The following PCDHGA11 variants were observed in gnomAD, a reference collection of about 807,000 sequenced individuals.
PCDHGA11 encodes protocadherin gamma subfamily A, 11.
A neutral mutation model predicts 60.4 loss-of-function variants in PCDHGA11; 39 were observed. The observed-to-expected ratio is 0.65, with a 90% CI of 0.50 to 0.84. The LOEUF is 0.84. Among genes scored for constraint, PCDHGA11 ranks in the 40% least tolerant of loss-of-function variants. The pLI, the probability that PCDHGA11 is intolerant of heterozygous loss-of-function variation, is 0.00. For missense variants in PCDHGA11, 1,165 were observed against 1,197.7 expected (o/e 0.97, Z 0.40); for synonymous variants, 533 against 510.3 (o/e 1.04, Z -0.60).
At position 141,487,344 on chromosome 5, in the gene PCDHGA11, C is replaced by T. The variant is rs1232854025; in HGVS notation, c.2434-7463C>T. On this transcript the variant is annotated intron_variant, in intron 1 of 3. Coordinates refer to ENST00000398587, the MANE Select transcript of PCDHGA11 (RefSeq NM_018914.3). This position sits in a 1 kb window ranked among gnomAD's most constrained non-coding sequence, Gnocchi z 5.0. ...CTTCGTGGGGCAGCCTGTGGAGTCA[C>T]ATGCTTTCCTGCTGGCACCTGTGCC... 3 of 1,614,208 alleles carry T rather than the reference C, an allele frequency of 1.9e-6. No individual in the cohort carries two copies. The highest frequency in any genetic ancestry group is 3.3e-5 in the Admixed American group (2 of 60,024).
intron 1 of PCDHGA11, among the ~76,000 whole-genome samples, chr5:141,454,357 TAGAA>T (rs758087339): frequency 3.5e-4 from 54 of 152,354 alleles, no homozygotes; most frequent in Non-Finnish European, 6.3e-4. Context: ...GATCCAAACT[TAGAA>T]AGGAGTATGG....
rs774898388 is a variant in PCDHGA11, at chr5:141,491,593, A to G, written c.2434-3214A>G. 6.8e-6 allele frequency: 11 copies of G among 1,613,918 alleles called. No individual in the cohort carries two copies. In the Admixed American group the frequency reaches 1.2e-4, roughly 17 times the overall value. Reference sequence around the variant, plus strand: ...GTGCTTTTCACCGGCCTCGGACGGCAGTGACTTCACTTTTCTAAGACCCCT... The same window carrying G: ...GTGCTTTTCACCGGCCTCGGACGGCGGTGACTTCACTTTTCTAAGACCCCT... On this transcript the variant is annotated intron_variant, in intron 1 of 3. Transcript: ENST00000398587. This position sits in a 1 kb window ranked among gnomAD's most constrained non-coding sequence, Gnocchi z 6.9.
intron 1 of PCDHGA11, chr5:141,428,048 G>A: frequency 6.2e-7 from 1 of 1,608,900 alleles, no homozygotes; most frequent in Admixed American, 1.7e-5. Context: ...TGGTGACCAA[G>A]GTGGTGGCGG....
rs771744120 is a variant in PCDHGA11 at position 141,485,876 on chromosome 5, G to A, written c.2434-8931G>A. ...AGAGCTCCGGGTATCCGTGCTGGAC[G>A]TAAACGACAACGCCCCAGCCTTCCA... On this transcript the variant is annotated intron_variant, in intron 1 of 3. Transcript: ENST00000398587. This position sits in a 1 kb window ranked among gnomAD's most constrained non-coding sequence, Gnocchi z 5.7. 1 of 1,614,174 alleles carries A rather than the reference G, an allele frequency of 6.2e-7. No homozygotes were observed. Among genetic ancestry groups the A allele is most frequent in the Non-Finnish European group, 8.5e-7 (1 of 1,180,030 alleles).
At position 141,427,779 on chromosome 5, in the gene PCDHGA11, C is replaced by T. The variant is rs1196661076; in HGVS notation, c.2433+4119C>T. On this transcript the variant is annotated intron_variant, in intron 1 of 3. Transcript: ENST00000398587. Reference sequence around the variant, plus strand: ...TACCACTGACTTGGAGCTGCGGGCACTGTCGTCCTACGTGTCCGTGAGCGC... The same window carrying T: ...TACCACTGACTTGGAGCTGCGGGCATTGTCGTCCTACGTGTCCGTGAGCGC... 2.1e-6 allele frequency: 3 copies of T among 1,454,498 alleles called. No individual in the cohort carries two copies. The East Asian group carries it at 6.8e-5, about 33-fold the overall frequency. The allele number at this position is 1,454,498 out of a possible 1,614,324, so 90.1% of individuals were successfully genotyped here. A position where few individuals can be genotyped will look rare whatever the true frequency, so the allele number is the denominator to read the frequency against.
rs2097401329 is a variant in PCDHGA11 at position 141,431,623 on chromosome 5, G to A, written c.2433+7963G>A. 1 of 1,614,192 alleles carries A rather than the reference G, an allele frequency of 6.2e-7. No homozygotes were observed. The highest frequency in any genetic ancestry group is 1.7e-5 in the Admixed American group (1 of 60,028). On this transcript the variant is annotated intron_variant, in intron 1 of 3. Coordinates refer to ENST00000398587, the MANE Select transcript of PCDHGA11 (RefSeq NM_018914.3). This position sits in a 1 kb window ranked among gnomAD's most constrained non-coding sequence, Gnocchi z 4.8. ...CCTTCCGGTATGTGGACGACAAGGC[G>A]GCCCAAGTTTTCAAACTAGATTGTA...
chr5:141,471,427 AGT>A (rs1475862025), intron 1 of PCDHGA11: 1 of 152,188 alleles, frequency 6.6e-6, no homozygotes, highest in Non-Finnish European at 1.5e-5. Flanking sequence ...TAGCAAGGAA[AGT>A]GTATAATCTC....
Position 141,505,374 on chromosome 5 carries a change from C to T in PCDHGA11, c.2493-19C>T. The T allele has an allele frequency of 2.5e-6, 4 of 1,614,004 alleles. No homozygotes were observed. Among genetic ancestry groups the T allele is most frequent in the Non-Finnish European group, 2.5e-6 (3 of 1,179,944 alleles). On this transcript the variant is annotated intron_variant, in intron 2 of 3. Coordinates refer to ENST00000398587, the MANE Select transcript of PCDHGA11 (RefSeq NM_018914.3). Reference sequence around the variant, plus strand: ...TGCCGGCCTGGGAGTCTGTGCTCACCATCCTACTCTCTCCCCAGCTCCCAA... The same window carrying T: ...TGCCGGCCTGGGAGTCTGTGCTCACTATCCTACTCTCTCCCCAGCTCCCAA...
chr5:141,461,323 T>C (rs2099013372), intron 1 of PCDHGA11, among the ~76,000 whole-genome samples: 1 of 152,176 alleles, frequency 6.6e-6, no homozygotes, highest in African/African-American at 2.4e-5. Context: ...TTTTTAATAA[T>C]GGCCATTCTT....
chr5:141,476,697 C>T lies in PCDHGA11; in HGVS notation c.2434-18110C>T, dbSNP rs758302668. The T allele has an allele frequency of 2.5e-6, 4 of 1,614,110 alleles. No individual in the cohort carries two copies. The highest frequency in any genetic ancestry group is 2.2e-5 in the South Asian group (2 of 91,088). The stretch of plus-strand genomic sequence containing the variant: ...ACGCGGGAGGACAGCACCAAGTACG[C>T]GGAGCTGGTGTTGGAGCGCGCCCTG... On this transcript the variant is annotated intron_variant, in intron 1 of 3. Coordinates refer to ENST00000398587, the MANE Select transcript of PCDHGA11 (RefSeq NM_018914.3). The surrounding 1 kb of genome is among the most constrained non-coding windows in gnomAD (Gnocchi z 7.6).
chr5:141,490,042 G>A lies in PCDHGA11; in HGVS notation c.2434-4765G>A. On this transcript the variant is annotated intron_variant, in intron 1 of 3. Transcript: ENST00000398587. This position sits in a 1 kb window ranked among gnomAD's most constrained non-coding sequence, Gnocchi z 5.4. ...TCTGCTGCTCCGCCTCAATGCCACT[G>A]ATCCAGACGAGGGCACCAACGGCCA... The A allele has an allele frequency of 6.2e-7, 1 of 1,614,266 alleles. No homozygotes were observed. Among genetic ancestry groups the A allele is most frequent in the Non-Finnish European group, 8.5e-7 (1 of 1,180,038 alleles).
intron 1 of PCDHGA11, among the ~76,000 whole-genome samples, chr5:141,445,582 T>C (rs886701142): frequency 6.6e-6 from 1 of 152,214 alleles, no homozygotes; most frequent in Non-Finnish European, 1.5e-5. Context: ...TAGGGAAGCT[T>C]CGCCTAATCT....
rs1485669709 is a variant in PCDHGA11 at position 141,432,989 on chromosome 5, G to A, written c.2433+9329G>A. On this transcript the variant is annotated intron_variant, in intron 1 of 3. Coordinates refer to ENST00000398587, the MANE Select transcript of PCDHGA11 (RefSeq NM_018914.3). The surrounding 1 kb of genome is among the most constrained non-coding windows in gnomAD (Gnocchi z 6.0). ...GCCGGCGTCGCACTTTGTGGGCGTG[G>A]ACGGGGTGCAGGCTTTCCTGCAGAC... The A allele has an allele frequency of 1.9e-6, 3 of 1,614,210 alleles. No individual in the cohort carries two copies. The highest frequency in any genetic ancestry group is 1.3e-5 in the African/African-American group (1 of 75,066).
chr5:141,485,577 G>A lies in PCDHGA11; in HGVS notation c.2434-9230G>A. Reference sequence around the variant, plus strand: ...AATGATCACGCCCCCCGTTTTCCGCGGCAGCAGCTGGACTTGGAAATTGGG... The same window carrying A: ...AATGATCACGCCCCCCGTTTTCCGCAGCAGCAGCTGGACTTGGAAATTGGG... On this transcript the variant is annotated intron_variant, in intron 1 of 3. Transcript: ENST00000398587. This position sits in a 1 kb window ranked among gnomAD's most constrained non-coding sequence, Gnocchi z 5.7. 2 of 1,612,500 alleles carry A rather than the reference G, an allele frequency of 1.2e-6. No individual in the cohort carries two copies. Among genetic ancestry groups the A allele is most frequent in the Non-Finnish European group, 8.5e-7 (1 of 1,178,676 alleles).
At chr5:141,498,588 A>G (rs1326073516) in intron 2 of PCDHGA11, among the ~76,000 whole-genome samples, 1 of 152,082 alleles carries the variant, frequency 6.6e-6, no homozygotes, top group Non-Finnish European at 1.5e-5. Context: ...GTTCTTCAGT[A>G]AACTTGGTTC....
At chr5:141,492,244 C>T (rs1334647731) in intron 1 of PCDHGA11, among the ~76,000 whole-genome samples, 1 of 152,198 alleles carries the variant, frequency 6.6e-6, no homozygotes, top group Admixed American at 6.5e-5. Flanking sequence ...TGGCCACCCC[C>T]ACGGCCCACA....
chr5:141,422,812 T>A lies in PCDHGA11; in HGVS notation c.1585T>A (p.Leu529Ile). ...CTTCGACTATGAGCAGTTTCGAGACTTAGAACTGAGAGTGATAGCACGTGA... is the reference window on the plus strand; with the variant it reads ...CTTCGACTATGAGCAGTTTCGAGACATAGAACTGAGAGTGATAGCACGTGA... ...QSFDYEQFRD[L>I]ELRVIARDSG... Residue 529 changes from leucine to isoleucine, a missense_variant, in exon 1 of 4, where the codon TTA (leucine) becomes ATA (isoleucine). Transcript: ENST00000398587. 1 of 1,614,206 alleles carries A rather than the reference T, an allele frequency of 6.2e-7. No individual in the cohort carries two copies. Among genetic ancestry groups the A allele is most frequent in the Non-Finnish European group, 8.5e-7 (1 of 1,180,038 alleles).
intron 2 of PCDHGA11, 91 bp from the exon 3 acceptor site, chr5:141,505,302 G>C: frequency 6.3e-7 from 1 of 1,592,714 alleles, no homozygotes. Context: ...TAGGGTTAGG[G>C]TACTAGGTTT....
chr5:141,479,466 C>G (rs1004384273), intron 1 of PCDHGA11: 1 of 152,224 alleles, frequency 6.6e-6, no homozygotes, highest in Non-Finnish European at 1.5e-5. Flanking sequence ...AATACAGTGA[C>G]CTCTTGGGAG....
Sources: allele counts gnomAD v4.1 joint callset (sites outside exome capture counted in the v4.1 genomes callset), GRCh38; gene constraint gnomAD v4.1.1; non-coding constraint Gnocchi (gnomAD v3.1); transcripts MANE v1.5; gene names NCBI Gene and HGNC (gene_info 2026-07-23, HGNC 2026-07-21).